The following ARHGAP10 variants were observed in gnomAD, a reference collection of about 807,000 sequenced individuals.
The protein encoded by ARHGAP10 is Rho GTPase activating protein 10.
Under a neutral mutation model 108.6 loss-of-function variants are expected in ARHGAP10, and 87 were observed. The ratio of observed to expected loss-of-function variants is 0.80; its 90% CI spans 0.67 to 0.96. ARHGAP10 has a LOEUF of 0.96. Ranked by LOEUF, ARHGAP10 falls within the 40% of genes least tolerant of loss-of-function variation. The pLI is 0.00. For missense variants in ARHGAP10, 939 were observed against 954.5 expected (o/e 0.98, Z 0.21); for synonymous variants, 347 against 341.1 (o/e 1.02, Z -0.19).
intron 13 of ARHGAP10, among the ~76,000 whole-genome samples, chr4:147,929,305 T>A (rs947438586): frequency 6.6e-6 from 1 of 152,196 alleles, no homozygotes; most frequent in Non-Finnish European, 1.5e-5. Context: ...GTAAATACCG[T>A]ATCTTAAATT....
chr4:147,942,400 T>G (rs1212499204), intron 14 of ARHGAP10, among the ~76,000 whole-genome samples: 1 of 152,228 alleles, frequency 6.6e-6, no homozygotes, highest in Non-Finnish European at 1.5e-5. Context: ...GTACTTTGTA[T>G]TGTTTGTTAA....
intron 18 of ARHGAP10, among the ~76,000 whole-genome samples, chr4:147,983,819 A>C (rs1739924776): frequency 6.6e-6 from 1 of 152,144 alleles, no homozygotes; most frequent in Non-Finnish European, 1.5e-5. Context: ...TCCGGTTAGA[A>C]TCCATTGCTG....
chr4:147,784,676 T>C, intron 1 of ARHGAP10, among the ~76,000 whole-genome samples: 1 of 48,124 alleles, frequency 2.1e-5, no homozygotes, highest in African/African-American at 6.0e-5. Flanking sequence ...TATTATATAT[T>C]ATAAATATAA....
intron 18 of ARHGAP10, among the ~76,000 whole-genome samples, chr4:147,997,391 A>G (rs1304934606): frequency 6.6e-6 from 1 of 152,250 alleles, no homozygotes; most frequent in Non-Finnish European, 1.5e-5. Flanking sequence ...GTGACTAAAT[A>G]TGATTCTTTA....
chr4:148,031,776 G>T (rs1476453104), intron 19 of ARHGAP10, among the ~76,000 whole-genome samples: 1 of 152,182 alleles, frequency 6.6e-6, no homozygotes, highest in African/African-American at 2.4e-5. Context: ...GAGGACTATG[G>T]TTTTCAATGT....
chr4:147,855,169 C>T (rs1734034552), intron 4 of ARHGAP10, among the ~76,000 whole-genome samples: 1 of 152,164 alleles, frequency 6.6e-6, no homozygotes, highest in South Asian at 2.1e-4. Flanking sequence ...TTCCATTTGT[C>T]TTTTGTTTAA....
At chr4:147,802,332 G>A (rs148434383) in intron 1 of ARHGAP10, among the ~76,000 whole-genome samples, 14 of 152,328 alleles carry the variant, frequency 9.2e-5, no homozygotes, top group East Asian at 3.9e-4. Context: ...AGAAGTTAGG[G>A]TGAAGCTTCT....
chr4:147,840,123 T>C (rs2126809006), intron 3 of ARHGAP10, among the ~76,000 whole-genome samples: 1 of 152,086 alleles, frequency 6.6e-6, no homozygotes, highest in South Asian at 2.1e-4. Context: ...TGTGAGAGGG[T>C]ATTCCTGGTC....
In ARHGAP10 at chr4:147,826,427, C is replaced by A. The variant is rs530496180; in HGVS notation, c.312+3470C>A. ...GGTGGTGTCTGTATAAGGCCATGAACCTTAGGAGTGGTGTGGTGTGTCATA... is the reference window on the plus strand; with the variant it reads ...GGTGGTGTCTGTATAAGGCCATGAAACTTAGGAGTGGTGTGGTGTGTCATA... On this transcript the variant is annotated intron_variant, in intron 3 of 22. Transcript: ENST00000336498. Among the ~76,000 whole-genome samples the A allele has an allele frequency of 3.3e-5, 5 of 152,196 alleles. No homozygotes were observed. In the South Asian group the frequency reaches 1.0e-3, roughly 32 times the overall value.
At chr4:147,944,274 G>C (rs977509155) in intron 14 of ARHGAP10, among the ~76,000 whole-genome samples, 3 of 152,184 alleles carry the variant, frequency 2.0e-5, no homozygotes, top group Non-Finnish European at 2.9e-5. Flanking sequence ...TGTCTGACAA[G>C]CTCAGTAACA....
rs536977188 is a variant in ARHGAP10 at position 147,863,806 on chromosome 4, A to G, written c.487-1040A>G. On this transcript the variant is annotated intron_variant, in intron 5 of 22. Coordinates refer to ENST00000336498, the MANE Select transcript of ARHGAP10 (RefSeq NM_024605.4). Reference sequence around the variant, plus strand: ...TAGTAACACGTTATGTTTCAATATTATTTTACTTAAAGCACTATTTTTCAC... The same window carrying G: ...TAGTAACACGTTATGTTTCAATATTGTTTTACTTAAAGCACTATTTTTCAC... 69 of 152,270 alleles carry G rather than the reference A, an allele frequency of 4.5e-4. 1 individual carries two copies. Among genetic ancestry groups the G allele is most frequent in the African/African-American group, 1.5e-3 (63 of 41,552 alleles). The allele number at this position is 152,270 out of a possible 1,614,324, so 9.4% of individuals were successfully genotyped here. A position where few individuals can be genotyped will look rare whatever the true frequency, so the allele number is the denominator to read the frequency against.
rs547273844 is a variant in ARHGAP10, at chr4:147,868,215, T to C, written c.702+1399T>C. 4.8e-4 allele frequency among the ~76,000 whole-genome samples: 73 copies of C among 152,008 alleles called. No individual in the cohort carries two copies. In the South Asian group the frequency reaches 0.015, roughly 31 times the overall value. On this transcript the variant is annotated intron_variant, in intron 7 of 22. Transcript: ENST00000336498. ...AATTGTCCCTGCAGGTAGTAGAATA[T>C]TGAGTCTAATGTTGTTGAGTTTTTT... is the stretch of plus-strand genomic sequence containing the variant.
chr4:147,788,065 A>G (rs950699725), intron 1 of ARHGAP10, among the ~76,000 whole-genome samples: 17 of 152,260 alleles, frequency 1.1e-4, no homozygotes, highest in African/African-American at 3.1e-4. Flanking sequence ...TCTTTTCCTT[A>G]TATCCACAAA....
Position 147,896,404 on chromosome 4 carries a change from A to G in ARHGAP10, c.1035-10234A>G, listed in dbSNP as rs72957786. On this transcript the variant is annotated intron_variant, in intron 10 of 22. Coordinates refer to ENST00000336498, the MANE Select transcript of ARHGAP10 (RefSeq NM_024605.4). ...GGATATAATGATATTCAGATTTTCTATTTTTCTTGGGTTTTGATAAATTGT... is the reference window on the plus strand; with the variant it reads ...GGATATAATGATATTCAGATTTTCTGTTTTTCTTGGGTTTTGATAAATTGT... 7.6e-3 allele frequency among the ~76,000 whole-genome samples: 1,152 copies of G among 152,018 alleles called. 11 individuals are homozygous for G. Among genetic ancestry groups the G allele is most frequent in the African/African-American group, 0.024 (1,016 of 41,486 alleles).
intron 22 of ARHGAP10, among the ~76,000 whole-genome samples, chr4:148,071,128 A>G (rs926839666): frequency 1.3e-5 from 2 of 152,216 alleles, no homozygotes; most frequent in Non-Finnish European, 2.9e-5. Flanking sequence ...AGGAGGAACT[A>G]CCTGGTGAAG....
At chr4:147,841,673 G>A (rs1470627885) in intron 3 of ARHGAP10, among the ~76,000 whole-genome samples, 1 of 152,120 alleles carries the variant, frequency 6.6e-6, no homozygotes, top group African/African-American at 2.4e-5. Context: ...TTGCTCAGTT[G>A]ACATTGCCTT....
chr4:147,768,234 C>T (rs1482187525), intron 1 of ARHGAP10, among the ~76,000 whole-genome samples: 1 of 152,152 alleles, frequency 6.6e-6, no homozygotes, highest in East Asian at 1.9e-4. Flanking sequence ...TGGGCCCTCC[C>T]CCTGGTTCCT....
intron 13 of ARHGAP10, 115 bp downstream of exon 13, chr4:147,913,254 G>C (rs1358132183): frequency 1.8e-5 from 16 of 886,382 alleles, no homozygotes; most frequent in Non-Finnish European, 2.9e-5. Context: ...TAACACAAAT[G>C]CTCATTCTGA....
chr4:147,952,954 G>C (rs888803018), intron 15 of ARHGAP10, among the ~76,000 whole-genome samples: 2 of 151,966 alleles, frequency 1.3e-5, no homozygotes, highest in Non-Finnish European at 2.9e-5. Context: ...ATGAATTCAA[G>C]TTCATTTTTG....
Sources: gnomAD v4.1 joint callset for allele counts (sites outside exome capture counted in the v4.1 genomes callset) on GRCh38, gnomAD v4.1.1 for gene constraint, MANE v1.5 for transcripts, NCBI Gene and HGNC (gene_info 2026-07-23, HGNC 2026-07-21) for gene names.